The following MACROD2 variants were observed in gnomAD, a reference collection of about 807,000 sequenced individuals.
MACROD2 encodes the protein ADP-ribose glycohydrolase MACROD2.
A neutral mutation model predicts 70.4 loss-of-function variants in MACROD2; 36 were observed. The ratio of observed to expected loss-of-function variants is 0.51; its 90% CI spans 0.39 to 0.68. The LOEUF (loss-of-function observed/expected upper bound fraction) is 0.68, where lower values mean the gene tolerates loss of function less well. MACROD2 is among the 30% of genes least tolerant of loss of function. MACROD2 has a pLI of 0.00. For missense variants in MACROD2, 496 were observed against 538.4 expected, an observed-to-expected ratio of 0.92 and a Z score of 0.78; for synonymous variants, 172 against 178.8, an observed-to-expected ratio of 0.96 and a Z score of 0.30.
chr20:14,877,797 C>T (rs920102852), intron 5 of MACROD2, among the ~76,000 whole-genome samples: 2 of 151,994 alleles, frequency 1.3e-5, no homozygotes, highest in Non-Finnish European at 2.9e-5. Context: ...ATATGTTGTA[C>T]CACCCTTTCC....
intron 5 of MACROD2, among the ~76,000 whole-genome samples, chr20:14,772,431 T>C (rs1251045602): frequency 6.6e-6 from 1 of 151,986 alleles, no homozygotes; most frequent in African/African-American, 2.4e-5. Flanking sequence ...CTCACAATCA[T>C]GGTGGAAGGC....
chr20:15,621,905 A>G (rs902516078), intron 8 of MACROD2, among the ~76,000 whole-genome samples: 1 of 152,206 alleles, frequency 6.6e-6, no homozygotes, highest in African/African-American at 2.4e-5. Flanking sequence ...TGATGCCCCA[A>G]GAGCTTCATG....
intron 3 of MACROD2, among the ~76,000 whole-genome samples, chr20:14,097,322 G>A (rs900384864): frequency 2.0e-5 from 3 of 152,132 alleles, no homozygotes; most frequent in African/African-American, 7.2e-5. Context: ...TACTTGTACT[G>A]TGCCACAATC....
chr20:14,229,964 AAAATTATGTTTATACTAT>A (rs2081785384), intron 3 of MACROD2, among the ~76,000 whole-genome samples: 1 of 152,238 alleles, frequency 6.6e-6, no homozygotes, highest in Non-Finnish European at 1.5e-5. Flanking sequence ...TAATGCAAAT[AAAATTATGTTTATACTAT>A]ACTTTAGTCT....
chr20:15,486,009 T>G (rs185803525), intron 7 of MACROD2, among the ~76,000 whole-genome samples: 1 of 152,240 alleles, frequency 6.6e-6, no homozygotes, highest in Non-Finnish European at 1.5e-5. Context: ...AAATCCACTG[T>G]ATAGCAATTT....
At chr20:14,325,982 G>T in intron 3 of MACROD2, 1 of 1,613,900 alleles carries the variant, frequency 6.2e-7, no homozygotes, top group Non-Finnish European at 8.5e-7. Flanking sequence ...GTGGTTGTAG[G>T]GTTGTACATT....
chr20:15,448,852 A>T (rs73272920), intron 7 of MACROD2, among the ~76,000 whole-genome samples: 1 of 152,152 alleles, frequency 6.6e-6, no homozygotes, highest in Non-Finnish European at 1.5e-5. Context: ...TTGTCTTACT[A>T]TAAAGATCCA....
At chr20:14,563,596 C>T (rs1474196811) in intron 4 of MACROD2, among the ~76,000 whole-genome samples, 1 of 151,910 alleles carries the variant, frequency 6.6e-6, no homozygotes, top group African/African-American at 2.4e-5. Flanking sequence ...TTGTAAGGAA[C>T]AATGAGATCC....
intron 6 of MACROD2, among the ~76,000 whole-genome samples, chr20:15,287,751 G>C (rs2077504700): frequency 6.6e-6 from 1 of 152,160 alleles, no homozygotes; most frequent in African/African-American, 2.4e-5. Flanking sequence ...CCTAAGTTTT[G>C]AACAATTAGA....
intron 12 of MACROD2, among the ~76,000 whole-genome samples, chr20:15,951,328 C>T (rs2065901276): frequency 6.6e-6 from 1 of 151,334 alleles, no homozygotes; most frequent in African/African-American, 2.4e-5. Context: ...CACACACACA[C>T]ACACACACAC....
intron 3 of MACROD2, among the ~76,000 whole-genome samples, chr20:14,114,917 G>T (rs2054496490): frequency 6.6e-6 from 1 of 152,042 alleles, no homozygotes; most frequent in Non-Finnish European, 1.5e-5. Flanking sequence ...GGATCATCCT[G>T]GCATCCTTCT....
At chr20:14,626,117 C>T (rs983157250) in intron 4 of MACROD2, among the ~76,000 whole-genome samples, 21 of 152,146 alleles carry the variant, frequency 1.4e-4, no homozygotes, top group African/African-American at 4.8e-4. Context: ...AGCCACTGTA[C>T]CTGACCAAGT....
rs145810266 is a variant in MACROD2 at position 14,764,410 on chromosome 20, A to G, written c.418+79451A>G. ...CCCATACATCATGAGGAGTCCCTTCATTATGGTCTTTGTACCATCTGAGGT... is the reference window on the plus strand; with the variant it reads ...CCCATACATCATGAGGAGTCCCTTCGTTATGGTCTTTGTACCATCTGAGGT... On this transcript the variant is annotated intron_variant, in intron 5 of 17. Coordinates refer to ENST00000684519, the MANE Select transcript of MACROD2 (RefSeq NM_001351661.2). Among the ~76,000 whole-genome samples the G allele has an allele frequency of 2.4e-3, 361 of 152,126 alleles. 8 individuals carry two copies. The South Asian group carries it at 0.037, about 16-fold the overall frequency.
chr20:15,845,039 G>T (rs141834741), intron 8 of MACROD2, among the ~76,000 whole-genome samples: 1 of 152,254 alleles, frequency 6.6e-6, no homozygotes, highest in African/African-American at 2.4e-5. Context: ...ACTCTAGTCA[G>T]CTAGTGAAAC....
chr20:15,070,431 CAG>C (rs1227686884), intron 5 of MACROD2, among the ~76,000 whole-genome samples: 2 of 151,920 alleles, frequency 1.3e-5, no homozygotes, highest in South Asian at 2.1e-4. Flanking sequence ...TTTGGGGGAT[CAG>C]GGGTAGAATG....
At position 15,496,745 on chromosome 20, in the gene MACROD2, T is replaced by G. The variant is rs573748459; in HGVS notation, c.572-3029T>G. Among the ~76,000 whole-genome samples the G allele has an allele frequency of 1.5e-3, 224 of 152,292 alleles. 1 individual carries two copies. Among genetic ancestry groups the G allele is most frequent in the South Asian group, 4.4e-3 (21 of 4,824 alleles). On this transcript the variant is annotated intron_variant, in intron 7 of 17. Coordinates refer to ENST00000684519, the MANE Select transcript of MACROD2 (RefSeq NM_001351661.2). The stretch of plus-strand genomic sequence containing the variant: ...AATCTAGAAAGGCCCCCTGGGGTCA[T>G]TGGAATGTGTAACACAAAGCTAAGG...
chr20:15,501,686 T>C (rs1379476897), intron 8 of MACROD2, among the ~76,000 whole-genome samples: 2 of 152,202 alleles, frequency 1.3e-5, no homozygotes, highest in African/African-American at 2.4e-5. Context: ...ACTGTAAACA[T>C]ATCCTGTACT....
At chr20:14,147,474 ATCAT>A (rs2054956848) in intron 3 of MACROD2, among the ~76,000 whole-genome samples, 1 of 152,210 alleles carries the variant, frequency 6.6e-6, no homozygotes, top group Non-Finnish European at 1.5e-5. Context: ...GTTAACTATC[ATCAT>A]TATTTAAATT....
chr20:14,831,643 G>T (rs144653358), intron 5 of MACROD2, among the ~76,000 whole-genome samples: 2 of 151,684 alleles, frequency 1.3e-5, no homozygotes, highest in East Asian at 3.9e-4. Context: ...AGCCAGGTGT[G>T]GTGGCGGGCG....
Sources: gnomAD v4.1 joint callset for allele counts (sites outside exome capture counted in the v4.1 genomes callset) on GRCh38, gnomAD v4.1.1 for gene constraint, MANE v1.5 for transcripts, NCBI Gene and HGNC (gene_info 2026-07-23, HGNC 2026-07-21) for gene names.